Variants in PHIP observed in about 807,000 individuals in gnomAD.
The protein encoded by PHIP is PHIP subunit of CUL4-Ring ligase complex, also known as PH-interacting protein.
PHIP carries 54 observed loss-of-function variants against 236.8 expected under a neutral mutation model. That is an observed-to-expected ratio of 0.23 (90% CI 0.18 to 0.29). The LOEUF (loss-of-function observed/expected upper bound fraction) is 0.29, where lower values mean the gene tolerates loss of function less well. Ranked by LOEUF, PHIP falls within the 10% of genes least tolerant of loss-of-function variation. The pLI is 1.00. For missense variants in PHIP, 1,370 were observed against 2,190.8 expected, an observed-to-expected ratio of 0.63 and a Z score of 7.48; for synonymous variants, 756 against 718.9, an observed-to-expected ratio of 1.05 and a Z score of -0.83.
At chr6:79,000,847 C>G (rs1057339965) in intron 17 of PHIP, among the ~76,000 whole-genome samples, 1 of 152,066 alleles carries the variant, frequency 6.6e-6, no homozygotes, top group African/African-American at 2.4e-5. Context: ...CTGCACTACT[C>G]TAGGAGTAGC....
At chr6:79,006,819 TATAGAA>T (rs946817488) in intron 15 of PHIP, among the ~76,000 whole-genome samples, 2 of 151,982 alleles carry the variant, frequency 1.3e-5, no homozygotes, top group African/African-American at 2.4e-5. Flanking sequence ...CTTTTGGATA[TATAGAA>T]ATAAAGACCA....
intron 15 of PHIP, among the ~76,000 whole-genome samples, chr6:79,004,642 T>C (rs935638289): frequency 1.3e-5 from 2 of 152,096 alleles, no homozygotes; most frequent in African/African-American, 4.8e-5. Flanking sequence ...CTAAGGATGA[T>C]TTTCAACAAA....
At chr6:78,989,080 A>G (rs2127722440) in intron 20 of PHIP, among the ~76,000 whole-genome samples, 1 of 131,414 alleles carries the variant, frequency 7.6e-6, no homozygotes, top group Admixed American at 7.8e-5. Context: ...ATTAAAATTT[A>G]TACCTAAAAA....
In PHIP at chr6:79,017,643, T is replaced by G. The variant is rs941079670; in HGVS notation, c.995-60A>C. 1.9e-5 allele frequency: 24 copies of G among 1,248,584 alleles called. No homozygotes were observed. In the South Asian group the frequency reaches 2.7e-4, roughly 14 times the overall value. The allele number at this position is 1,248,584 out of a possible 1,614,324, so 77.3% of individuals were successfully genotyped here. A position where few individuals can be genotyped will look rare whatever the true frequency, so the allele number is the denominator to read the frequency against. ...ACATAACTTCAAAATCTCTGAAAATTAGATAATAAAATGTAAGCAAAATTA... is the reference window on the plus strand; with the variant it reads ...ACATAACTTCAAAATCTCTGAAAATGAGATAATAAAATGTAAGCAAAATTA... On this transcript the variant is annotated intron_variant, in intron 10 of 39. Coordinates refer to ENST00000275034, the MANE Select transcript of PHIP (RefSeq NM_017934.7).
At position 78,982,249 on chromosome 6, in the gene PHIP, A is replaced by G. The variant is rs183384302; in HGVS notation, c.2769+637T>C. ...TCCTATGTTAAAGAATTTCAACTCC[A>G]TAAGAGCTGACAGATATTCTTCCTA... On this transcript the variant is annotated intron_variant, in intron 23 of 39. Coordinates refer to ENST00000275034, the MANE Select transcript of PHIP (RefSeq NM_017934.7). Among the ~76,000 whole-genome samples the G allele has an allele frequency of 1.5e-3, 231 of 152,156 alleles. 1 individual carries two copies. The highest frequency in any genetic ancestry group is 5.4e-3 in the South Asian group (26 of 4,830).
At chr6:78,997,707 G>A in intron 18 of PHIP, 110 bp from the exon 19 acceptor site, 6 of 856,634 alleles carry the variant, frequency 7.0e-6, no homozygotes, top group South Asian at 5.9e-5. Context: ...TCATATTGTG[G>A]CAAAATAATT....
At chr6:79,047,324 C>G (rs1289826147) in intron 6 of PHIP, among the ~76,000 whole-genome samples, 2 of 152,102 alleles carry the variant, frequency 1.3e-5, no homozygotes, top group Non-Finnish European at 1.5e-5. Flanking sequence ...GTCAAATTCC[C>G]CCATAAGTCA....
chr6:78,999,407 C>G (rs1769847991), intron 17 of PHIP, among the ~76,000 whole-genome samples: 1 of 152,092 alleles, frequency 6.6e-6, no homozygotes, highest in African/African-American at 2.4e-5. Flanking sequence ...ACCTGCTACC[C>G]TCTTTCACTT....
At chr6:79,015,254 T>TA (rs1278960149) in intron 14 of PHIP, 38 bp from the exon 15 acceptor site, 1 of 1,507,158 alleles carries the variant, frequency 6.6e-7, no homozygotes, top group Non-Finnish European at 9.2e-7. Flanking sequence ...TCATAGATAT[T>TA]AAAAAAGAAA....
chr6:78,977,468 A>G (rs1220638917), intron 24 of PHIP, among the ~76,000 whole-genome samples: 1 of 152,166 alleles, frequency 6.6e-6, no homozygotes, highest in Non-Finnish European at 1.5e-5. Flanking sequence ...TGGCACATGT[A>G]TACGTATGTA....
At chr6:79,059,616 T>TATATATATATATATATA (rs1773259948) in intron 6 of PHIP, among the ~76,000 whole-genome samples, 1 of 119,014 alleles carries the variant, frequency 8.4e-6, no homozygotes, top group Non-Finnish European at 1.8e-5. Flanking sequence ...TATATATATA[T>TATATATATATATATATA]ATATATATAA....
rs551838036 is a variant in PHIP at position 79,073,479 on chromosome 6, C to T, written c.189+3969G>A. On this transcript the variant is annotated intron_variant, in intron 4 of 39. Coordinates refer to ENST00000275034, the MANE Select transcript of PHIP (RefSeq NM_017934.7). ...TTACTTTATTACATGTTCACCCAAC[C>T]CCAAAAAATTATAATAATCAAGTGT... Among the ~76,000 whole-genome samples, 95 of 152,162 alleles carry T rather than the reference C, an allele frequency of 6.2e-4. 1 individual carries two copies. The highest frequency in any genetic ancestry group is 2.0e-3 in the African/African-American group (85 of 41,524).
chr6:78,946,621 A>T, intron 37 of PHIP, 90 bp downstream of exon 37: 1 of 1,459,212 alleles, frequency 6.9e-7, no homozygotes, highest in Non-Finnish European at 9.0e-7. Flanking sequence ...CAATATAGGG[A>T]ATAGTAAAGG....
chr6:79,010,908 G>A (rs1227340647), intron 15 of PHIP, among the ~76,000 whole-genome samples: 1 of 151,826 alleles, frequency 6.6e-6, no homozygotes, highest in Non-Finnish European at 1.5e-5. Context: ...GGGAATAAAA[G>A]ACCATAAAAC....
intron 6 of PHIP, among the ~76,000 whole-genome samples, chr6:79,059,413 G>C (rs1773239685): frequency 6.6e-6 from 1 of 151,472 alleles, no homozygotes; most frequent in South Asian, 2.1e-4. Flanking sequence ...TAGAGAAAAA[G>C]GGATTGCCTT....
At chr6:78,948,741 G>A (rs924424268) in intron 35 of PHIP, among the ~76,000 whole-genome samples, 1 of 152,132 alleles carries the variant, frequency 6.6e-6, no homozygotes, top group African/African-American at 2.4e-5. Flanking sequence ...TGACCTGCCC[G>A]TCTTGACCTC....
intron 27 of PHIP, 65 bp from the exon 28 acceptor site, chr6:78,966,121 A>G: frequency 1.0e-6 from 1 of 995,192 alleles, no homozygotes; most frequent in Non-Finnish European, 1.6e-6. Flanking sequence ...GCTTTTTCCT[A>G]ACGTTAACCT....
intron 30 of PHIP, among the ~76,000 whole-genome samples, chr6:78,962,312 A>C (rs1766835828): frequency 6.6e-6 from 1 of 152,194 alleles, no homozygotes; most frequent in Non-Finnish European, 1.5e-5. Context: ...CACACCGTAA[A>C]GTTGTACAGC....
chr6:79,050,744 T>C (rs988535868), intron 6 of PHIP, among the ~76,000 whole-genome samples: 1 of 152,136 alleles, frequency 6.6e-6, no homozygotes, highest in Non-Finnish European at 1.5e-5. Context: ...GAGATAAAGA[T>C]GCAAGGAATT....
Sources: allele counts gnomAD v4.1 joint callset (sites outside exome capture counted in the v4.1 genomes callset), GRCh38; gene constraint gnomAD v4.1.1; transcripts MANE v1.5; gene names NCBI Gene and HGNC (gene_info 2026-07-23, HGNC 2026-07-21).